The following SLC23A1 variants were observed in gnomAD, a reference collection of about 807,000 sequenced individuals.
SLC23A1 encodes the protein Na(+)/L-ascorbic acid transporter 1.
In SLC23A1, 31 loss-of-function variants were observed where a neutral mutation model predicts 62.5. The observed-to-expected ratio is 0.50, with a 90% CI of 0.37 to 0.67. SLC23A1 has a LOEUF of 0.67. Among genes scored for constraint, SLC23A1 ranks in the 30% least tolerant of loss-of-function variants. The pLI is 0.00. For synonymous variants in SLC23A1, 271 were observed against 313.2 expected (o/e 0.87, Z 1.42); for missense variants, 640 against 782.7 (o/e 0.82, Z 2.18).
chr5:139,381,872 T>C lies in SLC23A1; in HGVS notation c.308+20A>G. The C allele has an allele frequency of 8.2e-7, 1 of 1,215,564 alleles. No individual in the cohort carries two copies. The highest frequency in any genetic ancestry group is 1.1e-6 in the Non-Finnish European group (1 of 913,126). The allele number at this position is 1,215,564 out of a possible 1,614,324, so 75.3% of individuals were successfully genotyped here. A position where few individuals can be genotyped will look rare whatever the true frequency, so the allele number is the denominator to read the frequency against. The stretch of plus-strand genomic sequence containing the variant: ...AGTGGAGGGGTGGCGGGGGACGGGT[T>C]GGGGGGCTGGGCGGCTCACCGGATG... On this transcript the variant is annotated intron_variant, in intron 3 of 14. Coordinates refer to ENST00000348729, the MANE Select transcript of SLC23A1 (RefSeq NM_005847.5).
intron 13 of SLC23A1, among the ~76,000 whole-genome samples, chr5:139,373,403 C>T (rs1317326330): frequency 6.6e-6 from 1 of 152,272 alleles, no homozygotes; most frequent in Non-Finnish European, 1.5e-5. Flanking sequence ...TGGTGTCGAA[C>T]TCCTGACCTC....
intron 12 of SLC23A1, 45 bp from the exon 13 acceptor site, chr5:139,377,542 G>C (rs1337691130): frequency 9.6e-7 from 1 of 1,042,118 alleles, no homozygotes; most frequent in African/African-American, 1.6e-5. Flanking sequence ...GCCCAATCTG[G>C]AGAGCAGAGT....
intron 3 of SLC23A1, 71 bp downstream of exon 3, chr5:139,381,821 C>T: frequency 2.3e-6 from 3 of 1,295,342 alleles, no homozygotes; most frequent in Non-Finnish European, 3.2e-6. Context: ...CTCTGGGAGC[C>T]CACCTGCTCC....
At chr5:139,383,590 T>C (rs1267881788), upstream of SLC23A1, among the ~76,000 whole-genome samples, 1 of 151,598 alleles carries the variant, frequency 6.6e-6, no homozygotes, top group Non-Finnish European at 1.5e-5. Flanking sequence ...AAAGAGGGAG[T>C]GGAAACAGGC....
chr5:139,380,802 C>CGG lies in SLC23A1; in HGVS notation c.391_392dup (p.Glu132ArgfsTer13). Reference sequence around the variant, plus strand: ...AGACCCCAGAAGTGTACCCACCTTCCGGGGGGCATTTCCATCTCTCCAGAG... The same window carrying CGG: ...AGACCCCAGAAGTGTACCCACCTTCCGGGGGGGGCATTTCCATCTCTCCAGAG... On this transcript the variant is annotated frameshift_variant, in exon 4 of 15. Transcript: ENST00000348729. LOFTEE classifies it high-confidence loss of function. The CGG allele has an allele frequency of 1.9e-6, 3 of 1,558,166 alleles. No individual in the cohort carries two copies. The highest frequency in any genetic ancestry group is 2.6e-6 in the Non-Finnish European group (3 of 1,145,520).
chr5:139,368,246 A>G (rs940568553), intron 14 of SLC23A1, among the ~76,000 whole-genome samples: 2 of 152,044 alleles, frequency 1.3e-5, no homozygotes, highest in African/African-American at 4.8e-5. Context: ...GATGAGAGAC[A>G]GGAGAATGGT....
chr5:139,382,150 C>A (rs1581380963), intron 2 of SLC23A1, 101 bp from the exon 3 acceptor site: 1 of 1,243,152 alleles, frequency 8.0e-7, no homozygotes, highest in African/African-American at 1.5e-5. Flanking sequence ...GGGCCTGGAA[C>A]CGGCTGCCTG....
Position 139,377,896 on chromosome 5 carries a change from T to C in SLC23A1, c.1453+79A>G, listed in dbSNP as rs1758021050. ...GGTACGATTTGTGGCTGTAGCTGTG[T>C]GGAGCCTTTGAGGGAGGGGGCTGTG... is the stretch of plus-strand genomic sequence containing the variant. On this transcript the variant is annotated intron_variant, in intron 12 of 14. Transcript: ENST00000348729. 2.3e-5 allele frequency: 33 copies of C among 1,417,786 alleles called. No individual in the cohort carries two copies. The South Asian group carries it at 3.8e-4, about 16-fold the overall frequency. 87.8% of individuals were successfully genotyped at this position (1,417,786 alleles called of 1,614,324 possible).
intron 13 of SLC23A1, among the ~76,000 whole-genome samples, chr5:139,376,792 G>T (rs1024034886): frequency 6.6e-6 from 1 of 152,186 alleles, no homozygotes; most frequent in African/African-American, 2.4e-5. Flanking sequence ...CTACTCTGAA[G>T]AAAGCAAAGA....
Position 139,380,235 on chromosome 5 carries a change from G to T in SLC23A1, c.620C>A (p.Ala207Asp), listed in dbSNP as rs752748737. The change falls in exon 6 of 15, where the codon GCT becomes GAT. Residue 207 changes from alanine to aspartate, a missense_variant. By Grantham distance (126) the Ala-to-Asp change is moderately radical. Transcript: ENST00000348729. ...LSVFQAAGDR[A>D]GSHWGISACS... is the part of the protein sequence containing the mutation. ...AGCTGAGATGCCCCAGTGGGAGCCA[G>T]CTCGGTCGCCAGCAGCTTGGAAGAC... 1 of 1,563,006 alleles carries T rather than the reference G, an allele frequency of 6.4e-7. No homozygotes were observed. The highest frequency in any genetic ancestry group is 1.2e-5 in the South Asian group (1 of 85,286).
intron 13 of SLC23A1, among the ~76,000 whole-genome samples, chr5:139,373,765 C>T (rs1193142287): frequency 6.6e-6 from 1 of 151,494 alleles, no homozygotes; most frequent in Non-Finnish European, 1.5e-5. Context: ...AGGGCACACA[C>T]AGTCTGGAAG....
chr5:139,379,964 T>G lies in SLC23A1; in HGVS notation c.760A>C (p.Met254Leu), dbSNP rs1261630666. Reference sequence around the variant, plus strand: ...GCCTGCCAGGTCCTCACAGGAAACATTTTGAAGATCTGGATGCGGAGGAGA... The same window carrying G: ...GCCTGCCAGGTCCTCACAGGAAACAGTTTGAAGATCTGGATGCGGAGGAGA... ...LTLLRIQIFKMFPIMLAIMTV... is the reference protein window; with the variant it reads ...LTLLRIQIFKLFPIMLAIMTV... The change falls in exon 7 of 15, where the codon ATG (methionine) becomes CTG (leucine). Residue 254 changes from methionine (M) to leucine (L), a missense_variant. Coordinates refer to ENST00000348729, the MANE Select transcript of SLC23A1 (RefSeq NM_005847.5). The surrounding 1 kb of genome is among the most constrained non-coding windows in gnomAD (Gnocchi z 4.7). The G allele has an allele frequency of 6.2e-7, 1 of 1,613,782 alleles. No homozygotes were observed. Among genetic ancestry groups the G allele is most frequent in the East Asian group, 2.2e-5 (1 of 44,856 alleles).
intron 14 of SLC23A1, among the ~76,000 whole-genome samples, chr5:139,371,490 C>T (rs976352093): frequency 5.3e-5 from 8 of 152,156 alleles, no homozygotes; most frequent in African/African-American, 1.9e-4. Context: ...GTACAGGCAT[C>T]GTTTTAGGAT....
intron 13 of SLC23A1, among the ~76,000 whole-genome samples, 158 bp downstream of exon 13, chr5:139,377,243 TC>T (rs1181275789): frequency 6.6e-6 from 1 of 152,100 alleles, no homozygotes. Flanking sequence ...ATTCTCTCCC[TC>T]CAGCCAGTGA....
Position 139,378,833 on chromosome 5 carries a change from T to G in SLC23A1, c.1074-149A>C. The G allele has an allele frequency of 3.0e-6, 2 of 657,342 alleles. No homozygotes were observed. The highest frequency in any genetic ancestry group is 2.7e-6 in the Non-Finnish European group (1 of 372,496). The allele number at this position is 657,342 out of a possible 1,614,324, so 40.7% of individuals were successfully genotyped here. On this transcript the variant is annotated intron_variant, in intron 9 of 14. Transcript: ENST00000348729. This position sits in a 1 kb window ranked among gnomAD's most constrained non-coding sequence, Gnocchi z 4.5. ...CTACTACAGGCCAGAATGCTCAGGC[T>G]CCAGAGCTAGTCCTAGTGCCCTGGC... is the stretch of plus-strand genomic sequence containing the variant.
rs764679068 is a variant in SLC23A1, at chr5:139,378,339, G to A, written c.1192C>T (p.Arg398Cys). ...ATAGCCGCACCATACTGCACCACGC[G>A]CCGGCTGCCCACCTGCCGGGGAGCC... ...VLGITKVGSR[R>C]VVQYGAAIML... Residue 398 changes from arginine to cysteine, a missense_variant, in exon 11 of 15, where the codon CGC (arginine) becomes TGC (cysteine). Transcript: ENST00000348729. This position sits in a 1 kb window ranked among gnomAD's most constrained non-coding sequence, Gnocchi z 4.5. 5 of 1,565,830 alleles carry A rather than the reference G, an allele frequency of 3.2e-6. No individual in the cohort carries two copies. The highest frequency in any genetic ancestry group is 4.8e-5 in the East Asian group (2 of 42,066).
chr5:139,372,105 T>C lies in SLC23A1; in HGVS notation c.1698A>G (p.Pro566=), dbSNP rs1201800225. Residue 566 remains proline, a synonymous_variant, in exon 14 of 15, where the codon CCA becomes CCG. Coordinates refer to ENST00000348729, the MANE Select transcript of SLC23A1 (RefSeq NM_005847.5). ...ITFLKYIPIC[P]VFKGFSSSSK... ...AACTTGAAGAAAATCCTTTGAAGAC[T>C]GGGCAGATAGGAATGTATTTCAGAA... 1.9e-6 allele frequency: 3 copies of C among 1,613,264 alleles called. No individual in the cohort carries two copies. The highest frequency in any genetic ancestry group is 2.5e-6 in the Non-Finnish European group (3 of 1,179,238).
At chr5:139,372,774 G>T (rs943596787) in intron 13 of SLC23A1, among the ~76,000 whole-genome samples, 1 of 151,942 alleles carries the variant, frequency 6.6e-6, no homozygotes, top group African/African-American at 2.4e-5. Flanking sequence ...TAGTAGAGAC[G>T]GGGTGTCACT....
intron 14 of SLC23A1, 131 bp downstream of exon 14, chr5:139,371,856 C>G (rs543259261): frequency 4.1e-6 from 3 of 737,148 alleles, no homozygotes; most frequent in Non-Finnish European, 6.8e-6. Context: ...TTTTACCCAG[C>G]TCACCTTCTC....
Sources: gnomAD v4.1 joint callset for allele counts (sites outside exome capture counted in the v4.1 genomes callset) on GRCh38, gnomAD v4.1.1 for gene constraint, Gnocchi (gnomAD v3.1) non-coding constraint, MANE v1.5 for transcripts, NCBI Gene and HGNC (gene_info 2026-07-23, HGNC 2026-07-21) for gene names.